The following HVCN1 variants were observed in gnomAD, a reference collection of about 807,000 sequenced individuals.
HVCN1 encodes hydrogen voltage gated channel 1.
HVCN1 carries 14 observed loss-of-function variants against 29.2 expected under a neutral mutation model. That is an observed-to-expected ratio of 0.48 (90% CI 0.32 to 0.75). The LOEUF is 0.75. HVCN1 is among the 30% of genes least tolerant of loss of function. HVCN1 has a pLI of 0.04. For missense variants in HVCN1, 263 were observed against 341.8 expected (o/e 0.77, Z 1.82); for synonymous variants, 131 against 133.2 (o/e 0.98, Z 0.11).
chr12:110,701,817 A>G (rs1046255583), intron 2 of HVCN1, among the ~76,000 whole-genome samples: 1 of 150,518 alleles, frequency 6.6e-6, no homozygotes, highest in African/African-American at 2.4e-5. Context: ...AGATCGTGCC[A>G]TTGCACTCCA....
intron 4 of HVCN1, among the ~76,000 whole-genome samples, chr12:110,657,974 A>G (rs2068044327): frequency 6.6e-6 from 1 of 152,202 alleles, no homozygotes; most frequent in Non-Finnish European, 1.5e-5. Context: ...TCTCGGGGAA[A>G]GTGGGGTGGG....
chr12:110,700,534 A>C (rs1335083425), intron 2 of HVCN1, among the ~76,000 whole-genome samples: 2 of 152,202 alleles, frequency 1.3e-5, no homozygotes, highest in Admixed American at 1.3e-4. Flanking sequence ...GACTATCTCC[A>C]GCAATGGGGA....
chr12:110,660,341 C>G (rs1194554133), intron 4 of HVCN1, among the ~76,000 whole-genome samples: 5 of 152,208 alleles, frequency 3.3e-5, no homozygotes, highest in Non-Finnish European at 7.3e-5. Flanking sequence ...GTGAGGACCA[C>G]CCCAGCTCTG....
At chr12:110,694,058 T>C (rs2069453448), upstream of HVCN1, among the ~76,000 whole-genome samples, 1 of 152,202 alleles carries the variant, frequency 6.6e-6, no homozygotes. The surrounding 1 kb of genome is among the most constrained non-coding windows in gnomAD (Gnocchi z 4.6). Flanking sequence ...TTGATGTTCA[T>C]GGAGCGTGTA....
chr12:110,681,844 C>T (rs2068988357), intron 3 of HVCN1, among the ~76,000 whole-genome samples: 1 of 152,048 alleles, frequency 6.6e-6, no homozygotes, highest in Non-Finnish European at 1.5e-5. Flanking sequence ...TTCTACCTTG[C>T]CCCCAATCTT....
chr12:110,659,505 CCTCCCAGGACT>C (rs1165342973), intron 4 of HVCN1, among the ~76,000 whole-genome samples: 1 of 152,326 alleles, frequency 6.6e-6, no homozygotes. Flanking sequence ...AGACCTGTGC[CCTCCCAGGACT>C]TGAATGTGTT....
intron 2 of HVCN1, among the ~76,000 whole-genome samples, chr12:110,701,309 G>A (rs1487629685): frequency 6.6e-6 from 1 of 152,118 alleles, no homozygotes; most frequent in African/African-American, 2.4e-5. Context: ...AACTACTAGG[G>A]CCTAGAGCAG....
intron 1 of HVCN1, among the ~76,000 whole-genome samples, chr12:110,704,495 A>T (rs754001783): frequency 4.9e-5 from 7 of 142,550 alleles, no homozygotes; most frequent in South Asian, 2.2e-4. Flanking sequence ...ACCAATAATT[A>T]AAAAAAAAAA....
At chr12:110,684,130 G>A (rs976197387) in intron 2 of HVCN1, among the ~76,000 whole-genome samples, 1 of 152,016 alleles carries the variant, frequency 6.6e-6, no homozygotes, top group African/African-American at 2.4e-5. Context: ...AGGGAAGGAT[G>A]GGGAGTGACT....
At chr12:110,695,261 T>TAC (rs150777041) in intron 2 of HVCN1, among the ~76,000 whole-genome samples, 18 of 151,154 alleles carry the variant, frequency 1.2e-4, no homozygotes, top group Admixed American at 2.0e-4. Flanking sequence ...TATATGTATA[T>TAC]ACACACACAC....
intron 2 of HVCN1, among the ~76,000 whole-genome samples, chr12:110,683,909 TAAA>T (rs766895530): frequency 1.5e-5 from 1 of 67,872 alleles, no homozygotes; most frequent in Non-Finnish European, 3.0e-5. Flanking sequence ...AGACTCTATC[TAAA>T]AAAAAAAAAA....
chr12:110,654,491 T>TC (rs1296901881), intron 5 of HVCN1, among the ~76,000 whole-genome samples: 1 of 146,958 alleles, frequency 6.8e-6, no homozygotes, highest in Admixed American at 6.7e-5. Context: ...TTTTTTTTTT[T>TC]CCTGGAGACG....
intron 2 of HVCN1, among the ~76,000 whole-genome samples, chr12:110,699,815 C>G (rs1214700432): frequency 1.3e-5 from 2 of 152,156 alleles, no homozygotes; most frequent in Non-Finnish European, 2.9e-5. Flanking sequence ...ATGTTCTGCG[C>G]AGTAGAAAGT....
chr12:110,651,571 G>C, intron 5 of HVCN1, 123 bp from the exon 6 acceptor site: 1 of 682,568 alleles, frequency 1.5e-6, no homozygotes, highest in Admixed American at 2.3e-5. Flanking sequence ...CAGATGCCCA[G>C]TGCTGGAAAC....
intron 3 of HVCN1, among the ~76,000 whole-genome samples, chr12:110,678,258 T>C (rs2068814112): frequency 6.6e-6 from 1 of 152,126 alleles, no homozygotes; most frequent in Admixed American, 6.5e-5. Context: ...TGCCCAGCCC[T>C]GCACCCTCCT....
intron 5 of HVCN1, 42 bp from the exon 6 acceptor site, chr12:110,651,490 C>T: frequency 7.1e-7 from 1 of 1,412,354 alleles, no homozygotes; most frequent in South Asian, 1.2e-5. Flanking sequence ...GATTGGGCCT[C>T]TGGGAGGTCA....
chr12:110,701,916 C>CAAAAAA (rs1555241194), intron 2 of HVCN1, among the ~76,000 whole-genome samples: 64 of 151,020 alleles, frequency 4.2e-4, no homozygotes, highest in African/African-American at 1.3e-3. Flanking sequence ...ACAACAACAA[C>CAAAAAA]AAAACACACA....
intron 3 of HVCN1, among the ~76,000 whole-genome samples, chr12:110,681,861 C>G (rs1481913944): frequency 6.6e-6 from 1 of 152,078 alleles, no homozygotes; most frequent in African/African-American, 2.4e-5. Context: ...TCTTCACAAC[C>G]AATGCCCCCC....
intron 2 of HVCN1, among the ~76,000 whole-genome samples, chr12:110,701,814 G>A (rs539484884): frequency 1.3e-4 from 19 of 151,470 alleles, no homozygotes; most frequent in African/African-American, 4.1e-4. Context: ...CTGAGATCGT[G>A]CCATTGCACT....
Sources: allele counts gnomAD v4.1 joint callset (sites outside exome capture counted in the v4.1 genomes callset), GRCh38; gene constraint gnomAD v4.1.1; non-coding constraint Gnocchi (gnomAD v3.1); transcripts MANE v1.5; gene names NCBI Gene and HGNC (gene_info 2026-07-23, HGNC 2026-07-21).